CORO1C: variants seen among roughly 807,000 people sequenced by gnomAD.
CORO1C encodes coronin-1C.
A neutral mutation model predicts 51.2 loss-of-function variants in CORO1C; 14 were observed. The observed-to-expected ratio is 0.27, with a 90% confidence interval of 0.18 to 0.43. The LOEUF is 0.43. CORO1C is among the 20% of genes least tolerant of loss of function. CORO1C has a pLI of 1.00. For synonymous variants in CORO1C, 181 were observed against 210.5 expected (o/e 0.86, Z 1.21); for missense variants, 417 against 607.8 (o/e 0.69, Z 3.30).
At chr12:108,647,857 C>A (rs906886019) in intron 10 of CORO1C, among the ~76,000 whole-genome samples, 1 of 152,222 alleles carries the variant, frequency 6.6e-6, no homozygotes, top group African/African-American at 2.4e-5. Flanking sequence ...CAGTGTCCTA[C>A]GTCCTAACCA....
intron 1 of CORO1C, among the ~76,000 whole-genome samples, chr12:108,729,250 T>TA (rs1028084024): frequency 6.6e-6 from 1 of 152,114 alleles, no homozygotes; most frequent in African/African-American, 2.4e-5. Flanking sequence ...CAACGGTGTT[T>TA]AAAAAAATGC....
chr12:108,696,381 G>A (rs966942080), intron 2 of CORO1C: 13 of 147,970 alleles, frequency 8.8e-5, no homozygotes, highest in African/African-American at 3.2e-4. Flanking sequence ...AGGATTTACA[G>A]GCTTGTTGTG....
At chr12:108,730,405 C>G (rs934557401) in intron 1 of CORO1C, 3 of 152,302 alleles carry the variant, frequency 2.0e-5, no homozygotes, top group African/African-American at 7.2e-5. Context: ...CAGCTCTCAC[C>G]GCAGCCTGCC....
rs1387582640 is a variant in CORO1C, at chr12:108,678,392, A to T, written c.198T>A (p.Thr66=). ...TAGGGTAAGATTTGTCAATTCGACC[A>T]GTCTGAAAGAAGAGAGAAACAAACC... ...GAFLVLPLHK[T]GRIDKSYPTV... is the part of the protein sequence containing the mutation. The change falls in exon 3 of 11, where the codon ACT becomes ACA. Residue 66 remains threonine (T), a splice_region_variant and synonymous_variant. Coordinates refer to ENST00000261401, the MANE Select transcript of CORO1C (RefSeq NM_014325.4). 1.3e-6 allele frequency: 2 copies of T among 1,578,362 alleles called. No individual in the cohort carries two copies. The highest frequency in any genetic ancestry group is 1.7e-6 in the Non-Finnish European group (2 of 1,160,632).
Position 108,646,204 on chromosome 12 carries a change from G to A in CORO1C, c.*1199C>T, listed in dbSNP as rs560452161. The A allele has an allele frequency of 3.3e-5, 5 of 152,466 alleles. No individual in the cohort carries two copies. The highest frequency in any genetic ancestry group is 1.2e-4 in the African/African-American group (5 of 41,572). 9.4% of individuals were successfully genotyped at this position (152,466 alleles called of 1,614,324 possible). A position where few individuals can be genotyped will look rare whatever the true frequency, so the allele number is the denominator to read the frequency against. ...GTGGTTAGAGCTAAAAGGCAGGAAG[G>A]AAAGAAGGAATGGCTGGGGGAGCCC... On this transcript the variant is annotated 3_prime_UTR_variant, in exon 11 of 11. Coordinates refer to ENST00000261401, the MANE Select transcript of CORO1C (RefSeq NM_014325.4).
chr12:108,729,903 G>A (rs891506752), intron 1 of CORO1C, among the ~76,000 whole-genome samples: 1 of 152,156 alleles, frequency 6.6e-6, no homozygotes, highest in Non-Finnish European at 1.5e-5. Context: ...CCTGGTGTCA[G>A]GAGAACGTTC....
In CORO1C at chr12:108,648,699, A is replaced by G. The variant is rs1173325191; in HGVS notation, c.1211T>C (p.Val404Ala). 6.2e-7 allele frequency: 1 copy of G among 1,614,040 alleles called. No homozygotes were observed. The highest frequency in any genetic ancestry group is 8.5e-7 in the Non-Finnish European group (1 of 1,179,986). Residue 404 changes from valine to alanine, a missense_variant, in exon 10 of 11, where the codon GTG (valine) becomes GCG (alanine). Coordinates refer to ENST00000261401, the MANE Select transcript of CORO1C (RefSeq NM_014325.4). ...GCTATCCAGAATGTTCTTCTTGACC[A>G]CCTTGAGATCCCTGTTTTTGCCTGG... is the stretch of plus-strand genomic sequence containing the variant. Reference protein sequence around the residue: ...YIPGKNRDLKVVKKNILDSKP... With the variant: ...YIPGKNRDLKAVKKNILDSKP...
chr12:108,664,505 C>A (rs1490910622), intron 3 of CORO1C, among the ~76,000 whole-genome samples: 2 of 152,166 alleles, frequency 1.3e-5, no homozygotes, highest in East Asian at 3.8e-4. Context: ...ACCCCTTATG[C>A]AAATCATAAC....
intron 1 of CORO1C, among the ~76,000 whole-genome samples, chr12:108,703,287 A>G (rs2034931179): frequency 6.6e-6 from 1 of 152,258 alleles, no homozygotes; most frequent in Non-Finnish European, 1.5e-5. Flanking sequence ...ACGTTCTTAC[A>G]AATTCATACA....
chr12:108,653,345 T>C (rs1441707918), intron 7 of CORO1C, among the ~76,000 whole-genome samples: 2 of 152,186 alleles, frequency 1.3e-5, no homozygotes, highest in East Asian at 3.8e-4. Flanking sequence ...CCTGTTAACA[T>C]CTGCAGTAAA....
chr12:108,723,743 T>A (rs2035527297), intron 1 of CORO1C, among the ~76,000 whole-genome samples: 1 of 152,202 alleles, frequency 6.6e-6, no homozygotes, highest in African/African-American at 2.4e-5. Flanking sequence ...CCTAAGTGGT[T>A]TTCATTATGT....
At chr12:108,712,033 T>A (rs2136877241) in intron 1 of CORO1C, among the ~76,000 whole-genome samples, 1 of 152,294 alleles carries the variant, frequency 6.6e-6, no homozygotes, top group South Asian at 2.1e-4. Flanking sequence ...GGGCGTCGAT[T>A]ACTCAAGCGT....
intron 2 of CORO1C, among the ~76,000 whole-genome samples, chr12:108,699,822 T>G (rs912806838): frequency 6.6e-6 from 1 of 152,162 alleles, no homozygotes; most frequent in Non-Finnish European, 1.5e-5. Flanking sequence ...TCTTCGCCAA[T>G]AAGAAGGTAC....
chr12:108,719,814 T>C (rs2035432279), intron 1 of CORO1C, among the ~76,000 whole-genome samples: 1 of 152,218 alleles, frequency 6.6e-6, no homozygotes, highest in African/African-American at 2.4e-5. Flanking sequence ...GAAATTATGG[T>C]TCTTGCCATA....
chr12:108,648,733 C>G lies in CORO1C; in HGVS notation c.1177G>C (p.Gly393Arg). ...TCCCTGTTTTTGCCTGGAATGTACCCGTGCTTCAAGGAGATGAGGATTGGG... is the reference window on the plus strand; with the variant it reads ...TCCCTGTTTTTGCCTGGAATGTACCGGTGCTTCAAGGAGATGAGGATTGGG... ...ADPILISLKH[G>R]YIPGKNRDLK... Residue 393 changes from glycine to arginine, a missense_variant, in exon 10 of 11, where the codon GGG (glycine) becomes CGG (arginine). Gly to Arg is a moderately radical substitution (Grantham distance 125, BLOSUM62 -2). Transcript: ENST00000261401. 1 of 1,614,168 alleles carries G rather than the reference C, an allele frequency of 6.2e-7. No homozygotes were observed. The highest frequency in any genetic ancestry group is 2.2e-5 in the East Asian group (1 of 44,862).
At chr12:108,659,369 C>T (rs1179770031) in intron 4 of CORO1C, among the ~76,000 whole-genome samples, 1 of 152,144 alleles carries the variant, frequency 6.6e-6, no homozygotes, top group Non-Finnish European at 1.5e-5. Flanking sequence ...ACGCTCCTTC[C>T]TTTTAAAGAA....
chr12:108,675,612 T>C (rs796674816), intron 3 of CORO1C, among the ~76,000 whole-genome samples: 8 of 152,340 alleles, frequency 5.3e-5, no homozygotes, highest in African/African-American at 1.9e-4. Context: ...AAATGAACTA[T>C]ACTATTTGGT....
intron 3 of CORO1C, among the ~76,000 whole-genome samples, chr12:108,663,166 C>G (rs1002284371): frequency 1.3e-5 from 2 of 152,204 alleles, no homozygotes; most frequent in Admixed American, 1.3e-4. Context: ...AGACAGATAA[C>G]AAGTGTTCAC....
chr12:108,711,983 T>C (rs1225886633), intron 1 of CORO1C, among the ~76,000 whole-genome samples: 4 of 152,174 alleles, frequency 2.6e-5, no homozygotes, highest in African/African-American at 9.7e-5. Context: ...CCCCTACTAG[T>C]AGCAAAATCC....
Sources: allele counts gnomAD v4.1 joint callset (sites outside exome capture counted in the v4.1 genomes callset), GRCh38; gene constraint gnomAD v4.1.1; transcripts MANE v1.5; gene names NCBI Gene and HGNC (gene_info 2026-07-23, HGNC 2026-07-21).